Variants in TTC29 observed in about 807,000 individuals in gnomAD.
TTC29 encodes tetratricopeptide repeat domain 29.
A neutral mutation model predicts 58.1 loss-of-function variants in TTC29; 49 were observed. That is an observed-to-expected ratio of 0.84 (90% CI 0.67 to 1.07). TTC29 has a LOEUF of 1.07. Among genes scored for constraint, TTC29 ranks in the 50% least tolerant of loss-of-function variants. TTC29 has a pLI of 0.00. For synonymous variants in TTC29, 209 were observed against 196.8 expected (o/e 1.06, Z -0.52); for missense variants, 582 against 555.6 (o/e 1.05, Z -0.48).
At chr4:146,717,930 C>G (rs1260904325) in intron 11 of TTC29, among the ~76,000 whole-genome samples, 2 of 152,026 alleles carry the variant, frequency 1.3e-5, no homozygotes, top group African/African-American at 2.4e-5. Flanking sequence ...TCCTTCTGCT[C>G]TCTGCTTCTT....
intron 6 of TTC29, among the ~76,000 whole-genome samples, chr4:146,887,909 G>A (rs1252758516): frequency 6.6e-6 from 1 of 151,790 alleles, no homozygotes. Flanking sequence ...TACCTCATTT[G>A]TATGCAGTGG....
intron 8 of TTC29, among the ~76,000 whole-genome samples, chr4:146,866,030 T>C (rs1222461537): frequency 6.6e-6 from 1 of 152,164 alleles, no homozygotes; most frequent in Non-Finnish European, 1.5e-5. Flanking sequence ...AAAGGAAACA[T>C]ATATATGCAC....
intron 6 of TTC29, among the ~76,000 whole-genome samples, chr4:146,898,954 AT>A (rs1561233247): frequency 6.6e-6 from 1 of 152,228 alleles, no homozygotes. Context: ...GCTTAAGTCC[AT>A]GAATTTGGTC....
intron 11 of TTC29, among the ~76,000 whole-genome samples, chr4:146,797,418 T>G (rs1287234728): frequency 6.6e-6 from 1 of 152,236 alleles, no homozygotes; most frequent in Admixed American, 6.5e-5. Flanking sequence ...CTGTAACATT[T>G]CTTGTACTGA....
At chr4:146,838,660 CAG>C (rs1385506917) in intron 8 of TTC29, among the ~76,000 whole-genome samples, 2 of 151,926 alleles carry the variant, frequency 1.3e-5, no homozygotes, top group African/African-American at 4.8e-5. Context: ...TTGAACAACA[CAG>C]GTCTGAACTG....
intron 10 of TTC29, among the ~76,000 whole-genome samples, chr4:146,805,439 C>T (rs754202109): frequency 3.3e-5 from 5 of 151,872 alleles, no homozygotes; most frequent in African/African-American, 7.3e-5. Context: ...AAAATCCCTC[C>T]GAGCTAGAGG....
intron 10 of TTC29, among the ~76,000 whole-genome samples, chr4:146,818,679 C>A (rs973272070): frequency 1.3e-5 from 2 of 152,130 alleles, no homozygotes; most frequent in African/African-American, 4.8e-5. Context: ...GACTTGGAAC[C>A]AACCCAAATG....
chr4:146,932,977 G>A (rs757583358), intron 4 of TTC29, among the ~76,000 whole-genome samples: 3 of 151,616 alleles, frequency 2.0e-5, no homozygotes, highest in Non-Finnish European at 4.4e-5. Context: ...AGAATGGCTT[G>A]AACCTGGGAA....
chr4:146,844,885 G>A lies in TTC29; in HGVS notation c.886-10988C>T, dbSNP rs568415183. ...TTAGAGAGTTCAGAGCAGCTGAGTC[G>A]TTAGTAATGGCAGAGGTAGGAGGGC... On this transcript the variant is annotated intron_variant, in intron 8 of 12. Transcript: ENST00000325106. Among the ~76,000 whole-genome samples, 4 of 152,324 alleles carry A rather than the reference G, an allele frequency of 2.6e-5. No individual in the cohort carries two copies. The South Asian group carries it at 8.3e-4, about 32-fold the overall frequency.
At chr4:146,727,368 C>T (rs746355119) in intron 11 of TTC29, among the ~76,000 whole-genome samples, 12 of 152,038 alleles carry the variant, frequency 7.9e-5, no homozygotes, top group Non-Finnish European at 1.5e-4. Context: ...ACCCAAAGTC[C>T]GTAATTTACA....
intron 6 of TTC29, among the ~76,000 whole-genome samples, chr4:146,884,961 A>G (rs1404500602): frequency 2.0e-5 from 3 of 152,136 alleles, no homozygotes; most frequent in African/African-American, 4.8e-5. Context: ...AGTTATTTAA[A>G]ACCAAAAATA....
intron 9 of TTC29, among the ~76,000 whole-genome samples, chr4:146,827,067 G>T (rs1727854124): frequency 6.6e-6 from 1 of 151,992 alleles, no homozygotes; most frequent in African/African-American, 2.4e-5. Context: ...GCTCATCGTA[G>T]TTTTTTATTA....
intron 6 of TTC29, among the ~76,000 whole-genome samples, chr4:146,901,627 T>C (rs1054492299): frequency 7.2e-5 from 11 of 152,196 alleles, no homozygotes; most frequent in Non-Finnish European, 1.6e-4. Flanking sequence ...CAGCATGCAC[T>C]TGCCTCAGGA....
intron 11 of TTC29, among the ~76,000 whole-genome samples, chr4:146,761,289 G>A (rs1746877856): frequency 6.6e-6 from 1 of 151,918 alleles, no homozygotes; most frequent in South Asian, 2.1e-4. Context: ...AATCTTAGGT[G>A]ATAGGCAGCT....
At chr4:146,842,070 G>T (rs1448285252) in intron 8 of TTC29, among the ~76,000 whole-genome samples, 1 of 152,000 alleles carries the variant, frequency 6.6e-6, no homozygotes, top group African/African-American at 2.4e-5. Flanking sequence ...TATTGGGGGG[G>T]TGCTACTAGT....
chr4:146,787,197 A>C (rs1749087655), intron 11 of TTC29, among the ~76,000 whole-genome samples: 1 of 152,196 alleles, frequency 6.6e-6, no homozygotes, highest in South Asian at 2.1e-4. Flanking sequence ...AATAATATGA[A>C]GGTGATGGTA....
intron 11 of TTC29, among the ~76,000 whole-genome samples, chr4:146,739,646 G>T (rs1383377997): frequency 1.3e-5 from 2 of 152,102 alleles, no homozygotes; most frequent in Non-Finnish European, 2.9e-5. Context: ...TTGGATATTC[G>T]GAGTGGAGAG....
chr4:146,824,476 T>A (rs2150145853), intron 9 of TTC29, among the ~76,000 whole-genome samples: 1 of 152,326 alleles, frequency 6.6e-6, no homozygotes, highest in East Asian at 1.9e-4. Flanking sequence ...TGGGTAAGTT[T>A]TTAATGTGCT....
chr4:146,798,883 T>A (rs1750012808), intron 11 of TTC29, among the ~76,000 whole-genome samples: 3 of 80,106 alleles, frequency 3.7e-5, no homozygotes, highest in African/African-American at 1.7e-4. Context: ...CCAGACTCCG[T>A]CTCAAAAAAA....
Sources: allele counts gnomAD v4.1 joint callset (sites outside exome capture counted in the v4.1 genomes callset), GRCh38; gene constraint gnomAD v4.1.1; transcripts MANE v1.5; gene names NCBI Gene and HGNC (gene_info 2026-07-23, HGNC 2026-07-21).